PCDHA11: variants seen among roughly 807,000 people sequenced by gnomAD.
PCDHA11 encodes the protein protocadherin alpha 11, also known as protocadherin alpha-11.
A neutral mutation model predicts 70.3 loss-of-function variants in PCDHA11; 61 were observed. The ratio of observed to expected loss-of-function variants is 0.87; its 90% CI spans 0.71 to 1.07. The LOEUF (loss-of-function observed/expected upper bound fraction) is 1.07. Ranked by LOEUF, PCDHA11 falls within the 50% of genes least tolerant of loss-of-function variation. The pLI is 0.00. For synonymous variants in PCDHA11, 633 were observed against 555.1 expected, an observed-to-expected ratio of 1.14 and a Z score of -1.97; for missense variants, 1,324 against 1,237.5, an observed-to-expected ratio of 1.07 and a Z score of -1.05.
At chr5:140,908,179 C>T (rs1158845408) in intron 1 of PCDHA11, among the ~76,000 whole-genome samples, 1 of 152,194 alleles carries the variant, frequency 6.6e-6, no homozygotes, top group Non-Finnish European at 1.5e-5. Context: ...CAGCTGTCCA[C>T]TTTCAGGTGG....
intron 1 of PCDHA11, chr5:140,926,753 G>C (rs1431209513): frequency 3.5e-5 from 44 of 1,268,526 alleles, no homozygotes; most frequent in Non-Finnish European, 4.4e-5. Context: ...GTCGGCGGTC[G>C]CTGAGTATCC....
intron 1 of PCDHA11, among the ~76,000 whole-genome samples, chr5:140,955,186 G>A (rs246020): frequency 0.56 from 85,667 of 151,968 alleles, 24,773 homozygotes; most frequent in African/African-American, 0.69. Flanking sequence ...GTTTTGTGGT[G>A]TATATGAAGT....
intron 3 of PCDHA11, among the ~76,000 whole-genome samples, chr5:141,004,121 C>T (rs1250923202): frequency 6.6e-6 from 1 of 152,230 alleles, no homozygotes; most frequent in Non-Finnish European, 1.5e-5. Flanking sequence ...AAGGGAGTAT[C>T]TCCATGATTC....
intron 1 of PCDHA11, among the ~76,000 whole-genome samples, chr5:140,892,286 C>A (rs2063458721): frequency 1.3e-5 from 2 of 152,136 alleles, no homozygotes; most frequent in South Asian, 4.1e-4. Flanking sequence ...TTAAACACTT[C>A]TTCCTGGAAA....
chr5:140,884,160 T>G lies in PCDHA11; in HGVS notation c.2391+12666T>G. 2 of 1,613,366 alleles carry G rather than the reference T, an allele frequency of 1.2e-6. No homozygotes were observed. The highest frequency in any genetic ancestry group is 1.7e-6 in the Non-Finnish European group (2 of 1,179,734). Reference sequence around the variant, plus strand: ...CGCGTGGGGCTGTACACTGGCGAGATCAGCACGACGCGCCCTCTGGACGAG... The same window carrying G: ...CGCGTGGGGCTGTACACTGGCGAGAGCAGCACGACGCGCCCTCTGGACGAG... On this transcript the variant is annotated intron_variant, in intron 1 of 3. Coordinates refer to ENST00000398640, the MANE Select transcript of PCDHA11 (RefSeq NM_018902.5).
chr5:140,869,447 A>G lies in PCDHA11; in HGVS notation c.344A>G (p.Gln115Arg). The change falls in exon 1 of 4, where the codon CAG becomes CGG. Residue 115 changes from glutamine to arginine, a missense_variant. By Grantham distance (43) the Gln-to-Arg change is conservative. Coordinates refer to ENST00000398640, the MANE Select transcript of PCDHA11 (RefSeq NM_018902.5). ...HLEVIVDRPL[Q>R]VFHVNVEVKD... is the part of the protein sequence containing the mutation. ...GAGGTGATCGTGGACAGGCCGCTGCAGGTTTTCCATGTGAACGTGGAGGTG... is the reference window on the plus strand; with the variant it reads ...GAGGTGATCGTGGACAGGCCGCTGCGGGTTTTCCATGTGAACGTGGAGGTG... 6.2e-7 allele frequency: 1 copy of G among 1,614,214 alleles called. No homozygotes were observed. Among genetic ancestry groups the G allele is most frequent in the Non-Finnish European group, 8.5e-7 (1 of 1,180,032 alleles).
At chr5:140,923,826 T>C (rs2081533545) in intron 1 of PCDHA11, among the ~76,000 whole-genome samples, 1 of 152,218 alleles carries the variant, frequency 6.6e-6, no homozygotes, top group African/African-American at 2.4e-5. Context: ...TAGACGTCAG[T>C]GGCAGTTTAA....
Position 140,924,886 on chromosome 5 carries a change from A to C in PCDHA11, c.2391+53392A>C, listed in dbSNP as rs190850675. ...CTCCAGCCTGGGTGACAGAGCAAGAACCTGTCTCAAAAAAAAAAATAAAAT... is the reference window on the plus strand; with the variant it reads ...CTCCAGCCTGGGTGACAGAGCAAGACCCTGTCTCAAAAAAAAAAATAAAAT... On this transcript the variant is annotated intron_variant, in intron 1 of 3. Transcript: ENST00000398640. Among the ~76,000 whole-genome samples, 1,191 of 137,252 alleles carry C rather than the reference A, an allele frequency of 8.7e-3. 7 individuals carry two copies. Among genetic ancestry groups the C allele is most frequent in the African/African-American group, 0.022 (767 of 35,510 alleles). The allele number at this position is 137,252 out of a possible 152,430, so 90.0% of individuals were successfully genotyped here.
Position 140,874,848 on chromosome 5 carries a change from T to G in PCDHA11, c.2391+3354T>G, listed in dbSNP as rs143666233. ...GAAATATTGTTTGGTATTAGACATATTTTAGTTTCTTATCCTTTGTTAAAT... is the reference window on the plus strand; with the variant it reads ...GAAATATTGTTTGGTATTAGACATAGTTTAGTTTCTTATCCTTTGTTAAAT... On this transcript the variant is annotated intron_variant, in intron 1 of 3. Transcript: ENST00000398640. Among the ~76,000 whole-genome samples the G allele has an allele frequency of 6.0e-4, 92 of 152,344 alleles. 1 individual carries two copies. The East Asian group carries it at 0.017, about 27-fold the overall frequency.
intron 1 of PCDHA11, chr5:140,875,638 C>G (rs2055668574): frequency 6.2e-7 from 1 of 1,613,532 alleles, no homozygotes; most frequent in Non-Finnish European, 8.5e-7. Context: ...GGGGCTGGAG[C>G]TGGCGGAGCT....
chr5:140,911,480 G>A (rs2075504387), intron 1 of PCDHA11, among the ~76,000 whole-genome samples: 1 of 152,142 alleles, frequency 6.6e-6, no homozygotes, highest in African/African-American at 2.4e-5. Flanking sequence ...CTCTCACTCA[G>A]GGCAATCTTA....
chr5:140,967,310 G>A (rs2096126313), intron 1 of PCDHA11: 1 of 1,611,338 alleles, frequency 6.2e-7, no homozygotes, highest in East Asian at 2.2e-5. Context: ...CGCCAACTCA[G>A]TACAGACCTA....
intron 1 of PCDHA11, among the ~76,000 whole-genome samples, chr5:140,915,232 C>A (rs1554196813): frequency 1.3e-5 from 2 of 152,274 alleles, no homozygotes; most frequent in Admixed American, 6.5e-5. Flanking sequence ...CAGGCATGAG[C>A]CACCATGCCT....
Position 140,988,326 on chromosome 5 carries a change from G to A in PCDHA11, c.2539+5763G>A, listed in dbSNP as rs144904425. 8.4e-3 allele frequency among the ~76,000 whole-genome samples: 1,281 copies of A among 152,296 alleles called. 12 individuals carry two copies. The highest frequency in any genetic ancestry group is 0.014 in the Non-Finnish European group (960 of 68,020). ...CAGCTTGGCTTGGCTTTCTCTACCC[G>A]AGGAAAGTAAGTCCTTTTAAGATGC... On this transcript the variant is annotated intron_variant, in intron 3 of 3. Coordinates refer to ENST00000398640, the MANE Select transcript of PCDHA11 (RefSeq NM_018902.5).
chr5:140,944,095 A>AT (rs2093609322), intron 1 of PCDHA11, among the ~76,000 whole-genome samples: 1 of 152,250 alleles, frequency 6.6e-6, no homozygotes. Context: ...GAGTAAGTTT[A>AT]TATCTCATGG....
chr5:140,967,707 C>G, intron 1 of PCDHA11: 1 of 1,614,158 alleles, frequency 6.2e-7, no homozygotes, highest in Non-Finnish European at 8.5e-7. Flanking sequence ...GATGCCAGTA[C>G]CGGGGAAGTG....
chr5:140,896,410 T>C (rs1554186951), intron 1 of PCDHA11, among the ~76,000 whole-genome samples: 1 of 152,154 alleles, frequency 6.6e-6, no homozygotes, highest in Non-Finnish European at 1.5e-5. Context: ...TTTTGACTTT[T>C]TAGTAATAGC....
chr5:141,000,421 A>ATATTTTT (rs1265241806), intron 3 of PCDHA11, among the ~76,000 whole-genome samples: 1 of 27,968 alleles, frequency 3.6e-5, no homozygotes, highest in Non-Finnish European at 5.7e-5. Context: ...ATATATATAT[A>ATATTTTT]TTTTTTTTTT....
chr5:140,877,467 G>T (rs1554169776), intron 1 of PCDHA11: 2 of 1,613,868 alleles, frequency 1.2e-6, no homozygotes, highest in Non-Finnish European at 1.7e-6. Flanking sequence ...CGGCCACGGT[G>T]CTGGTGTCGC....
Sources: gnomAD v4.1 joint callset for allele counts (sites outside exome capture counted in the v4.1 genomes callset) on GRCh38, gnomAD v4.1.1 for gene constraint, MANE v1.5 for transcripts, NCBI Gene and HGNC (gene_info 2026-07-23, HGNC 2026-07-21) for gene names.